IARS1: variants seen among roughly 807,000 people sequenced by gnomAD.
IARS1 encodes isoleucine--tRNA ligase, cytoplasmic.
Under a neutral mutation model 168.2 loss-of-function variants are expected in IARS1, and 124 were observed. The ratio of observed to expected loss-of-function variants is 0.74; its 90% CI spans 0.64 to 0.86. The LOEUF is 0.86. IARS1 is among the 40% of genes least tolerant of loss of function. The pLI, the probability that IARS1 is intolerant of heterozygous loss-of-function variation, is 0.00. For missense variants in IARS1, 1,452 were observed against 1,515.8 expected, an observed-to-expected ratio of 0.96 and a Z score of 0.70; for synonymous variants, 532 against 529.4, an observed-to-expected ratio of 1.00 and a Z score of -0.07.
intron 30 of IARS1, among the ~76,000 whole-genome samples, chr9:92,237,998 C>T (rs989687303): frequency 6.6e-6 from 1 of 152,008 alleles, no homozygotes; most frequent in Non-Finnish European, 1.5e-5. Flanking sequence ...CTCCGCCTCC[C>T]GGGTTCAAGC....
At chr9:92,259,867 A>T (rs78859431) in intron 18 of IARS1, among the ~76,000 whole-genome samples, 13,352 of 152,290 alleles carry the variant, frequency 0.088, 831 homozygotes, top group Non-Finnish European at 0.13. Flanking sequence ...GAAGTAAGGC[A>T]GAGGCAATCA....
intron 1 of IARS1, among the ~76,000 whole-genome samples, chr9:92,289,799 G>T (rs10739927): frequency 0.48 from 72,252 of 151,988 alleles, 20,701 homozygotes; most frequent in African/African-American, 0.81. Flanking sequence ...AAAATTTATA[G>T]GAATCATCTA....
chr9:92,215,496 C>A (rs1289778080), intron 33 of IARS1, among the ~76,000 whole-genome samples: 1 of 151,940 alleles, frequency 6.6e-6, no homozygotes, highest in Non-Finnish European at 1.5e-5. Flanking sequence ...GACATACAAA[C>A]CAAAGGCAAA....
intron 33 of IARS1, among the ~76,000 whole-genome samples, chr9:92,222,135 T>C (rs1839750194): frequency 6.6e-6 from 1 of 151,014 alleles, no homozygotes; most frequent in African/African-American, 2.4e-5. Flanking sequence ...CTGGCCAACA[T>C]GGTGAAACCC....
At chr9:92,246,642 G>A (rs914778044) in intron 26 of IARS1, among the ~76,000 whole-genome samples, 4 of 152,058 alleles carry the variant, frequency 2.6e-5, no homozygotes, top group African/African-American at 4.8e-5. Flanking sequence ...ATCACCCTAG[G>A]CTCCAGGGAT....
intron 6 of IARS1, among the ~76,000 whole-genome samples, chr9:92,283,842 T>A (rs915304323): frequency 4.6e-5 from 7 of 152,082 alleles, no homozygotes; most frequent in African/African-American, 1.7e-4. Flanking sequence ...AAATATGAAC[T>A]GATGATGTTC....
Position 92,288,005 on chromosome 9 carries a change from T to A in IARS1, c.277-95A>T, listed in dbSNP as rs571526701. 5.8e-5 allele frequency: 90 copies of A among 1,546,540 alleles called. No homozygotes were observed. The African/African-American group carries it at 1.1e-3, about 19-fold the overall frequency. ...AACAAAACAAATCAAACTACAAATA[T>A]TATAGAAATGAACTAGAAGGTCTGA... On this transcript the variant is annotated intron_variant, in intron 3 of 33. Transcript: ENST00000443024.
At chr9:92,236,206 A>G (rs1827500938) in intron 30 of IARS1, among the ~76,000 whole-genome samples, 1 of 151,506 alleles carries the variant, frequency 6.6e-6, no homozygotes, top group East Asian at 2.0e-4. Context: ...CTGGTCTCCA[A>G]CTCCTGACCT....
At chr9:92,213,781 A>T (rs1838160977) in intron 33 of IARS1, among the ~76,000 whole-genome samples, 1 of 152,164 alleles carries the variant, frequency 6.6e-6, no homozygotes, top group Admixed American at 6.5e-5. Flanking sequence ...TCTCCATCAC[A>T]ACTCCTGGCC....
intron 33 of IARS1, among the ~76,000 whole-genome samples, chr9:92,211,987 A>G (rs80275631): frequency 0.011 from 1,679 of 152,322 alleles, 35 homozygotes; most frequent in African/African-American, 0.038. Flanking sequence ...ACAAAAAAAA[A>G]GAAAATTTAA....
At chr9:92,243,393 C>A (rs1828734811) in intron 27 of IARS1, 82 bp from the exon 28 acceptor site, 2 of 898,480 alleles carry the variant, frequency 2.2e-6, no homozygotes, top group Non-Finnish European at 3.6e-6. Context: ...TTATTTAAAT[C>A]TGGAGAGTCT....
intron 2 of IARS1, 123 bp downstream of exon 2, chr9:92,289,178 G>A: frequency 1.9e-6 from 1 of 518,854 alleles, no homozygotes. Context: ...CTGCCCTCCA[G>A]CCTGGATGAC....
At chr9:92,243,701 C>CA in intron 27 of IARS1, among the ~76,000 whole-genome samples, 1 of 152,262 alleles carries the variant, frequency 6.6e-6, no homozygotes, top group South Asian at 2.1e-4. Context: ...CAGGCCACAA[C>CA]AAGTGGATCA....
At chr9:92,243,733 C>G (rs1828784976) in intron 27 of IARS1, among the ~76,000 whole-genome samples, 1 of 152,176 alleles carries the variant, frequency 6.6e-6, no homozygotes, top group South Asian at 2.1e-4. Context: ...GCAGTCAACT[C>G]CAAGTGACTT....
At position 92,260,187 on chromosome 9, in the gene IARS1, A is replaced by G. The variant is rs757652703; in HGVS notation, c.1835T>C (p.Val612Ala). 1.2e-6 allele frequency: 2 copies of G among 1,614,058 alleles called. No homozygotes were observed. Among genetic ancestry groups the G allele is most frequent in the African/African-American group, 1.3e-5 (1 of 74,950 alleles). ...SKRKKNYPDP[V>A]SIIQKYGADA... Reference sequence around the variant, plus strand: ...AGCACCATACTTCTGGATGATGGAAACTGGATCTGGATAATTCTTTTTCCG... The same window carrying G: ...AGCACCATACTTCTGGATGATGGAAGCTGGATCTGGATAATTCTTTTTCCG... Residue 612 changes from valine (V) to alanine (A), a missense_variant, in exon 18 of 34, where the codon GTT becomes GCT. Transcript: ENST00000443024.
At chr9:92,216,372 C>A (rs1022138695) in intron 33 of IARS1, among the ~76,000 whole-genome samples, 12 of 150,586 alleles carry the variant, frequency 8.0e-5, no homozygotes, top group African/African-American at 2.7e-4. Context: ...AACTAACGAG[C>A]AAAATAAACA....
chr9:92,229,126 C>A lies in IARS1; in HGVS notation c.3284G>T (p.Gly1095Val). Residue 1095 changes from glycine (G) to valine (V), a missense_variant and splice_region_variant, in exon 31 of 34, where the codon GGT becomes GTT. Coordinates refer to ENST00000443024, the MANE Select transcript of IARS1 (RefSeq NM_002161.6). ...LNICANGSEQ[G>V]GVLLLENPKG... The stretch of plus-strand genomic sequence containing the variant: ...TGGATTTTCCAGGAGCAATACTCCA[C>A]CTAAAAAGCCACAAAAATAACACCT... 6 of 1,610,232 alleles carry A rather than the reference C, an allele frequency of 3.7e-6. No individual in the cohort carries two copies. Among genetic ancestry groups the A allele is most frequent in the Non-Finnish European group, 5.1e-6 (6 of 1,178,596 alleles).
chr9:92,228,573 C>G (rs533451701), intron 31 of IARS1, among the ~76,000 whole-genome samples: 1 of 83,538 alleles, frequency 1.2e-5, no homozygotes, highest in African/African-American at 1.3e-4. Context: ...ATTAGCCAAG[C>G]ATGGTGGTGG....
At position 92,264,970 on chromosome 9, in the gene IARS1, A is replaced by T; in HGVS notation, c.1659T>A (p.Pro553=). The change falls in exon 16 of 34, where the codon CCT becomes CCA. Residue 553 remains proline (P), a synonymous_variant. Transcript: ENST00000443024. Reference sequence around the variant, plus strand: ...CGATGCCCTCGGCAATGAAATCTGCAGGAAAAGCATCCTCAAACTCCCTCT... The same window carrying T: ...CGATGCCCTCGGCAATGAAATCTGCTGGAAAAGCATCCTCAAACTCCCTCT... ...ENKREFEDAF[P]ADFIAEGIDQ... 2 of 1,614,150 alleles carry T rather than the reference A, an allele frequency of 1.2e-6. No homozygotes were observed. Among genetic ancestry groups the T allele is most frequent in the South Asian group, 2.2e-5 (2 of 91,080 alleles).
Sources: gnomAD v4.1 joint callset for allele counts (sites outside exome capture counted in the v4.1 genomes callset) on GRCh38, gnomAD v4.1.1 for gene constraint, MANE v1.5 for transcripts, NCBI Gene and HGNC (gene_info 2026-07-23, HGNC 2026-07-21) for gene names.